The following ATP6V0A4 variants were observed in gnomAD, a reference collection of about 807,000 sequenced individuals.
ATP6V0A4 encodes ATPase H+ transporting V0 subunit a4.
In ATP6V0A4, 86 loss-of-function variants were observed where a neutral mutation model predicts 107.3. That is an observed-to-expected ratio of 0.80 (90% CI 0.67 to 0.96). The LOEUF is 0.96. ATP6V0A4 is among the 40% of genes least tolerant of loss of function. The pLI is 0.00. For synonymous variants in ATP6V0A4, 353 were observed against 381.4 expected, an observed-to-expected ratio of 0.93 and a Z score of 0.87; for missense variants, 908 against 1,045.6, an observed-to-expected ratio of 0.87 and a Z score of 1.81.
In ATP6V0A4 at chr7:138,721,408, G is replaced by A. The variant is rs1039983177; in HGVS notation, c.2139+489C>T. Among the ~76,000 whole-genome samples the A allele has an allele frequency of 1.3e-4, 20 of 152,038 alleles. 1 individual carries two copies. The highest frequency in any genetic ancestry group is 2.7e-4 in the African/African-American group (11 of 41,398). ...ACAAAAATTAACCGGGTGCAGTGGCGGATGCCTATAATCCCAGGTATTAGA... is the reference window on the plus strand; with the variant it reads ...ACAAAAATTAACCGGGTGCAGTGGCAGATGCCTATAATCCCAGGTATTAGA... On this transcript the variant is annotated intron_variant, in intron 19 of 21. Transcript: ENST00000310018.
intron 19 of ATP6V0A4, among the ~76,000 whole-genome samples, chr7:138,721,622 C>T (rs975654378): frequency 2.6e-5 from 4 of 152,164 alleles, no homozygotes; most frequent in African/African-American, 9.7e-5. Flanking sequence ...GTCACTAGAT[C>T]CGAGGCTGAT....
intron 10 of ATP6V0A4, 39 bp from the exon 11 acceptor site, chr7:138,752,876 C>A (rs1806306015): frequency 6.2e-7 from 1 of 1,609,120 alleles, no homozygotes; most frequent in South Asian, 1.1e-5. Context: ...AGAGAACCTT[C>A]ACAGAGCTGT....
chr7:138,762,317 C>A (rs1166692694), intron 7 of ATP6V0A4, 23 bp downstream of exon 7: 1 of 1,613,576 alleles, frequency 6.2e-7, no homozygotes, highest in South Asian at 1.1e-5. Context: ...AGGGACCCAT[C>A]TACACACAAG....
At chr7:138,745,669 A>AAAAAAAAAAAAAAAAAAAAAAAAAAAAC (rs1805885225) in intron 13 of ATP6V0A4, among the ~76,000 whole-genome samples, 4 of 141,376 alleles carry the variant, frequency 2.8e-5, no homozygotes, top group East Asian at 2.2e-4. Context: ...AAAAAAAAAA[A>AAAAAAAAAAAAAAAAAAAAAAAAAAAAC]AAGGCCGGGT....
At chr7:138,791,252 G>C (rs1808398423) in intron 1 of ATP6V0A4, among the ~76,000 whole-genome samples, 2 of 152,086 alleles carry the variant, frequency 1.3e-5, no homozygotes, top group Admixed American at 6.6e-5. Context: ...CAGATGACAA[G>C]AGATTTCATA....
rs552033581 is a variant in ATP6V0A4, at chr7:138,763,553, G to A, written c.292-528C>T. Among the ~76,000 whole-genome samples the A allele has an allele frequency of 2.0e-4, 31 of 152,240 alleles. 1 individual carries two copies. The East Asian group carries it at 5.4e-3, about 27-fold the overall frequency. On this transcript the variant is annotated intron_variant, in intron 5 of 21. Transcript: ENST00000310018. ...CGAGGCAGGAGAGTTATTTGAACCCGGGAGGCAGAAGCTGTGGTGAGCCGA... is the reference window on the plus strand; with the variant it reads ...CGAGGCAGGAGAGTTATTTGAACCCAGGAGGCAGAAGCTGTGGTGAGCCGA...
intron 15 of ATP6V0A4, among the ~76,000 whole-genome samples, chr7:138,735,335 C>T (rs182409473): frequency 3.3e-5 from 5 of 152,286 alleles, no homozygotes; most frequent in African/African-American, 9.6e-5. Flanking sequence ...AAATTGTTTT[C>T]AGGTTTGCTC....
At chr7:138,757,524 A>C (rs202197062) in intron 8 of ATP6V0A4, among the ~76,000 whole-genome samples, 1 of 144,750 alleles carries the variant, frequency 6.9e-6, no homozygotes, top group East Asian at 2.1e-4. Context: ...TCAAAAAAAA[A>C]CCCCAAAAAA....
intron 21 of ATP6V0A4, among the ~76,000 whole-genome samples, chr7:138,709,200 G>C: frequency 8.1e-6 from 1 of 123,426 alleles, no homozygotes; most frequent in Admixed American, 1.0e-4. Flanking sequence ...CAGAGTGAGA[G>C]CCTGTCTCAA....
chr7:138,779,068 C>G (rs911075687), intron 2 of ATP6V0A4, among the ~76,000 whole-genome samples: 1 of 152,140 alleles, frequency 6.6e-6, no homozygotes, highest in Admixed American at 6.5e-5. Flanking sequence ...GGGCCAGGAG[C>G]GATGGCTTGA....
At chr7:138,784,307 C>CATAT (rs1243135259) in intron 2 of ATP6V0A4, among the ~76,000 whole-genome samples, 18 of 123,914 alleles carry the variant, frequency 1.5e-4, no homozygotes, top group African/African-American at 5.5e-4. Flanking sequence ...CACACACACA[C>CATAT]ATATATATAT....
chr7:138,769,214 A>G lies in ATP6V0A4; in HGVS notation c.155T>C (p.Val52Ala). 2 of 1,612,652 alleles carry G rather than the reference A, an allele frequency of 1.2e-6. No individual in the cohort carries two copies. The highest frequency in any genetic ancestry group is 1.7e-5 in the Admixed American group (1 of 59,934). The part of the protein sequence containing the change: ...MNVNSFQRKF[V>A]NEVRRCESLE... ...TGATTCACACCTTCTGACTTCATTCACAAATTTCCTTTGAAAGCTGTTCAC... is the reference window on the plus strand; with the variant it reads ...TGATTCACACCTTCTGACTTCATTCGCAAATTTCCTTTGAAAGCTGTTCAC... Residue 52 changes from valine (V) to alanine (A), a missense_variant, in exon 4 of 22, where the codon GTG (valine) becomes GCG (alanine). Transcript: ENST00000310018.
chr7:138,749,299 T>A lies in ATP6V0A4; in HGVS notation c.1048A>T (p.Met350Leu). Residue 350 changes from methionine to leucine, a missense_variant, in exon 12 of 22, where the codon ATG becomes TTG. Transcript: ENST00000310018. ...TGCACTGTGGTCATGATGGGGGCCA[T>A]GGAGGAGCCACTTAGTTCCTGGAAA... ...EQGMELSGSS[M>L]APIMTTVQSK... 1 of 1,609,160 alleles carries A rather than the reference T, an allele frequency of 6.2e-7. No homozygotes were observed. The highest frequency in any genetic ancestry group is 8.5e-7 in the Non-Finnish European group (1 of 1,178,632).
chr7:138,763,447 G>A (rs865874885), intron 5 of ATP6V0A4, among the ~76,000 whole-genome samples: 8 of 151,970 alleles, frequency 5.3e-5, no homozygotes, highest in African/African-American at 1.9e-4. Flanking sequence ...GGTTAATGTG[G>A]TGAAACCCCA....
chr7:138,776,510 T>A (rs1363977527), intron 2 of ATP6V0A4, among the ~76,000 whole-genome samples: 1 of 152,206 alleles, frequency 6.6e-6, no homozygotes, highest in African/African-American at 2.4e-5. Context: ...TCCCTTCATA[T>A]GAGCTCCAGA....
chr7:138,785,906 T>C (rs1584952289), intron 2 of ATP6V0A4, among the ~76,000 whole-genome samples: 1 of 152,310 alleles, frequency 6.6e-6, no homozygotes, highest in African/African-American at 2.4e-5. Flanking sequence ...CACGACTTTT[T>C]CCAGGAATGT....
chr7:138,726,219 G>T (rs1470282423), intron 18 of ATP6V0A4, among the ~76,000 whole-genome samples: 1 of 151,936 alleles, frequency 6.6e-6, no homozygotes, highest in South Asian at 2.1e-4. Flanking sequence ...TCGATCTCCT[G>T]ACCTTGTGAT....
chr7:138,780,098 G>A (rs1332027960), intron 2 of ATP6V0A4: 1 of 152,176 alleles, frequency 6.6e-6, no homozygotes, highest in African/African-American at 2.4e-5. Context: ...TGCCTGGGTT[G>A]TGTTGTTGCA....
At chr7:138,730,931 C>CTTCTTTTTTT (rs1554392929) in intron 17 of ATP6V0A4, among the ~76,000 whole-genome samples, 23 of 123,754 alleles carry the variant, frequency 1.9e-4, no homozygotes, top group African/African-American at 3.1e-4. Flanking sequence ...TCTTCTTCTT[C>CTTCTTTTTTT]TTTTTTTATT....
Sources: gnomAD v4.1 joint callset for allele counts (sites outside exome capture counted in the v4.1 genomes callset) on GRCh38, gnomAD v4.1.1 for gene constraint, MANE v1.5 for transcripts, NCBI Gene and HGNC (gene_info 2026-07-23, HGNC 2026-07-21) for gene names.